Variants in TEX36 observed in about 807,000 individuals in gnomAD.
TEX36 encodes testis expressed 36, also known as testis-expressed protein 36.
In TEX36, 12 loss-of-function variants were observed where a neutral mutation model predicts 13.6. The observed-to-expected ratio is 0.88, with a 90% CI of 0.56 to 1.43. TEX36 has a LOEUF of 1.43. Among genes scored for constraint, TEX36 ranks in the 40% most tolerant of loss-of-function variants. The pLI, the probability that TEX36 is intolerant of heterozygous loss-of-function variation, is 0.00. For missense variants in TEX36, 224 were observed against 228.3 expected, an observed-to-expected ratio of 0.98 and a Z score of 0.12; for synonymous variants, 93 against 83.0, an observed-to-expected ratio of 1.12 and a Z score of -0.65.
intron 3 of TEX36, among the ~76,000 whole-genome samples, chr10:125,612,556 T>C (rs536624023): frequency 6.6e-6 from 1 of 152,348 alleles, no homozygotes; most frequent in African/African-American, 2.4e-5. Flanking sequence ...TATATAGCTT[T>C]ATGGCTACAC....
rs973577010 is a variant in TEX36, at chr10:125,656,199, G to A, written c.265-3C>T. 7 of 1,447,920 alleles carry A rather than the reference G, an allele frequency of 4.8e-6. No individual in the cohort carries two copies. The highest frequency in any genetic ancestry group is 2.8e-5 in the Admixed American group (1 of 35,842). The allele number at this position is 1,447,920 out of a possible 1,614,324, so 89.7% of individuals were successfully genotyped here. Reference sequence around the variant, plus strand: ...GAGATCTTCTTACGTCCCAGGCCCTGGAGAGAAGAATTACAAGATTCGAAG... The same window carrying A: ...GAGATCTTCTTACGTCCCAGGCCCTAGAGAGAAGAATTACAAGATTCGAAG... On this transcript the variant is annotated splice_polypyrimidine_tract_variant and splice_region_variant and intron_variant, in intron 3 of 3. Coordinates refer to ENST00000368821, the MANE Select transcript of TEX36 (RefSeq NM_001128202.3).
chr10:125,579,307 A>T (rs1021115600), intron 3 of TEX36, among the ~76,000 whole-genome samples: 5 of 152,194 alleles, frequency 3.3e-5, no homozygotes, highest in Non-Finnish European at 4.4e-5. Context: ...GTCCTTCTTC[A>T]CAAGGCAGCA....
intron 3 of TEX36, among the ~76,000 whole-genome samples, chr10:125,606,453 G>T (rs1219424743): frequency 1.3e-5 from 2 of 152,092 alleles, no homozygotes; most frequent in African/African-American, 4.8e-5. Context: ...ATGTTATTCC[G>T]TCAAATCAGT....
At chr10:125,609,292 G>A (rs1005432427) in intron 3 of TEX36, among the ~76,000 whole-genome samples, 1 of 152,188 alleles carries the variant, frequency 6.6e-6, no homozygotes, top group Admixed American at 6.5e-5. Flanking sequence ...CAATTCAATG[G>A]TGTGAAATGG....
chr10:125,678,350 T>G (rs1052454235), intron 1 of TEX36, among the ~76,000 whole-genome samples: 2 of 152,110 alleles, frequency 1.3e-5, no homozygotes, highest in East Asian at 3.9e-4. Flanking sequence ...GTAGAGGCTG[T>G]GATGAAGTTG....
chr10:125,631,784 C>T (rs1246336361), intron 3 of TEX36, among the ~76,000 whole-genome samples: 1 of 152,094 alleles, frequency 6.6e-6, no homozygotes, highest in Non-Finnish European at 1.5e-5. Flanking sequence ...TGCCTGGTGC[C>T]CTGGTTGCTG....
At chr10:125,590,268 C>T (rs1331386076) in intron 3 of TEX36, among the ~76,000 whole-genome samples, 1 of 151,982 alleles carries the variant, frequency 6.6e-6, no homozygotes, top group Non-Finnish European at 1.5e-5. Flanking sequence ...TGGCACCACA[C>T]CCAGCTAATT....
chr10:125,648,779 C>T (rs1846810330), intron 3 of TEX36, among the ~76,000 whole-genome samples: 1 of 152,062 alleles, frequency 6.6e-6, no homozygotes, highest in Admixed American at 6.6e-5. Context: ...AGATGAAAGG[C>T]TAACTAGATT....
chr10:125,588,005 A>G (rs541451880), intron 3 of TEX36, among the ~76,000 whole-genome samples: 43 of 152,276 alleles, frequency 2.8e-4, no homozygotes, highest in African/African-American at 1.0e-3. Context: ...TGTGGATACC[A>G]TAATCTATTT....
intron 3 of TEX36, among the ~76,000 whole-genome samples, chr10:125,604,695 C>A (rs1846194068): frequency 6.6e-6 from 1 of 152,130 alleles, no homozygotes; most frequent in South Asian, 2.1e-4. Flanking sequence ...GCCTGTAGTC[C>A]CAGCTACTCA....
intron 3 of TEX36, among the ~76,000 whole-genome samples, chr10:125,579,509 G>C (rs1250944309): frequency 6.6e-6 from 1 of 152,164 alleles, no homozygotes; most frequent in Non-Finnish European, 1.5e-5. Flanking sequence ...TTTTGGGTGG[G>C]GACACAGTCA....
At chr10:125,577,196 G>A (rs1011831795) in intron 3 of TEX36, among the ~76,000 whole-genome samples, 2 of 152,142 alleles carry the variant, frequency 1.3e-5, no homozygotes, top group Non-Finnish European at 2.9e-5. Flanking sequence ...CTTCTGCATG[G>A]ACAAAACAGT....
intron 3 of TEX36, among the ~76,000 whole-genome samples, chr10:125,584,510 A>G (rs1004475144): frequency 6.6e-6 from 1 of 152,230 alleles, no homozygotes; most frequent in African/African-American, 2.4e-5. Context: ...TCTGAAATGC[A>G]TCTTCTACCT....
At chr10:125,667,286 A>G (rs1847139407) in intron 1 of TEX36, 14 of 626,792 alleles carry the variant, frequency 2.2e-5, no homozygotes, top group South Asian at 1.8e-4. Flanking sequence ...TCCAAGATAG[A>G]TGTGTTGATC....
intron 1 of TEX36, among the ~76,000 whole-genome samples, chr10:125,669,420 C>T (rs1847184357): frequency 6.6e-6 from 1 of 151,892 alleles, no homozygotes; most frequent in South Asian, 2.1e-4. Context: ...GCGGAGGTTG[C>T]AGTGAGCCAA....
intron 3 of TEX36, among the ~76,000 whole-genome samples, chr10:125,580,819 A>T (rs1050849238): frequency 6.6e-6 from 1 of 152,160 alleles, no homozygotes. Flanking sequence ...CATGATTGGC[A>T]TAGGGATGGT....
At chr10:125,664,811 G>A (rs1260659232) in intron 1 of TEX36, among the ~76,000 whole-genome samples, 1 of 152,178 alleles carries the variant, frequency 6.6e-6, no homozygotes, top group Non-Finnish European at 1.5e-5. Flanking sequence ...TACAGTGGCT[G>A]TACTAATTTA....
intron 2 of TEX36, among the ~76,000 whole-genome samples, chr10:125,661,430 A>C (rs10794012): frequency 0.11 from 16,734 of 152,210 alleles, 1,343 homozygotes; most frequent in East Asian, 0.31. Context: ...CGTGTAGACC[A>C]ACTCTGTCAT....
exon 4 of TEX36, chr10:125,576,846 C>T: frequency 6.5e-7 from 1 of 1,536,110 alleles, no homozygotes. Context: ...GTCTGGTTCT[C>T]CCTGTGGGTC....
Sources: allele counts gnomAD v4.1 joint callset (sites outside exome capture counted in the v4.1 genomes callset), GRCh38; gene constraint gnomAD v4.1.1; transcripts MANE v1.5; gene names NCBI Gene and HGNC (gene_info 2026-07-23, HGNC 2026-07-21).